The following UNC5C variants were observed in gnomAD, a reference collection of about 807,000 sequenced individuals.
UNC5C encodes unc-5 netrin receptor C.
A neutral mutation model predicts 99.8 loss-of-function variants in UNC5C; 47 were observed. That is an observed-to-expected ratio of 0.47 (90% CI 0.37 to 0.60). The LOEUF (loss-of-function observed/expected upper bound fraction) is 0.60. Among genes scored for constraint, UNC5C ranks in the 20% least tolerant of loss-of-function variants. The pLI is 0.00. For synonymous variants in UNC5C, 487 were observed against 452.2 expected (o/e 1.08, Z -0.98); for missense variants, 1,062 against 1,165.9 (o/e 0.91, Z 1.30).
chr4:95,385,650 A>G (rs1223668988), intron 1 of UNC5C, among the ~76,000 whole-genome samples: 2 of 152,182 alleles, frequency 1.3e-5, no homozygotes, highest in Non-Finnish European at 2.9e-5. Flanking sequence ...ATGTTTACTG[A>G]TGGCTATCCA....
chr4:95,413,795 C>A (rs1231432676), intron 1 of UNC5C, among the ~76,000 whole-genome samples: 3 of 152,210 alleles, frequency 2.0e-5, no homozygotes, highest in African/African-American at 7.2e-5. Flanking sequence ...TATTCTATAG[C>A]AGCTACCTGG....
chr4:95,354,479 A>ATATATATATATATATATATTT, intron 1 of UNC5C, among the ~76,000 whole-genome samples: 2,533 of 109,720 alleles, frequency 0.023, 59 homozygotes, highest in Non-Finnish European at 0.035. Context: ...ATATATATAT[A>ATATATATATATATATATATTT]TTTTTTTTTT....
At chr4:95,246,075 T>C (rs1005584093) in intron 5 of UNC5C, among the ~76,000 whole-genome samples, 5 of 152,284 alleles carry the variant, frequency 3.3e-5, no homozygotes, top group African/African-American at 1.2e-4. Context: ...ACCTATACAA[T>C]AGGGAATAAT....
At chr4:95,213,771 CAG>C (rs1478490440) in intron 10 of UNC5C, among the ~76,000 whole-genome samples, 1 of 152,200 alleles carries the variant, frequency 6.6e-6, no homozygotes, top group African/African-American at 2.4e-5. Flanking sequence ...GATGTCCTCA[CAG>C]AGTCTTCTTC....
In UNC5C at chr4:95,168,707, CTT is replaced by C. The variant is rs1735957043; in HGVS notation, c.*525_*526del. On this transcript the variant is annotated 3_prime_UTR_variant, in exon 16 of 16. Coordinates refer to ENST00000453304, the MANE Select transcript of UNC5C (RefSeq NM_003728.4). ...ACTGATGGGAGGATTATCTGAGACA[CTT>C]GATGCACACGATTTGTAGCAAAAGT... is the stretch of plus-strand genomic sequence containing the variant. 6.5e-6 allele frequency: 1 copy of C among 153,258 alleles called. No individual in the cohort carries two copies. The highest frequency in any genetic ancestry group is 2.4e-5 in the African/African-American group (1 of 41,450). The allele number at this position is 153,258 out of a possible 1,614,324, so 9.5% of individuals were successfully genotyped here. A position where few individuals can be genotyped will look rare whatever the true frequency, so the allele number is the denominator to read the frequency against.
chr4:95,331,750 T>C (rs988613536), intron 2 of UNC5C, among the ~76,000 whole-genome samples: 3 of 152,044 alleles, frequency 2.0e-5, no homozygotes, highest in African/African-American at 7.3e-5. Flanking sequence ...TTATAAAAAA[T>C]AAAGATTTCA....
chr4:95,328,911 C>T (rs997094544), intron 2 of UNC5C, among the ~76,000 whole-genome samples: 1 of 152,106 alleles, frequency 6.6e-6, no homozygotes, highest in African/African-American at 2.4e-5. Flanking sequence ...AGGCACTCGC[C>T]CCAGCTCCTG....
At chr4:95,379,381 A>C (rs1016575291) in intron 1 of UNC5C, among the ~76,000 whole-genome samples, 1 of 152,326 alleles carries the variant, frequency 6.6e-6, no homozygotes, top group South Asian at 2.1e-4. Context: ...CACTCTATCT[A>C]TAAACTTGCT....
intron 1 of UNC5C, among the ~76,000 whole-genome samples, chr4:95,510,648 G>T (rs1722046137): frequency 6.6e-6 from 1 of 152,040 alleles, no homozygotes; most frequent in African/African-American, 2.4e-5. Context: ...CTTAAGGGTA[G>T]TGTGCTGTAG....
At chr4:95,515,930 G>T (rs1210514700) in intron 1 of UNC5C, among the ~76,000 whole-genome samples, 1 of 152,150 alleles carries the variant, frequency 6.6e-6, no homozygotes, top group South Asian at 2.1e-4. Context: ...CCCTAATGAT[G>T]TGGTATTTTG....
At chr4:95,543,789 A>G (rs1238139068) in intron 1 of UNC5C, among the ~76,000 whole-genome samples, 1 of 152,190 alleles carries the variant, frequency 6.6e-6, no homozygotes, top group Non-Finnish European at 1.5e-5. Flanking sequence ...GGAGTGACTT[A>G]ACGTGTCATT....
intron 1 of UNC5C, among the ~76,000 whole-genome samples, chr4:95,460,880 A>G (rs1373863834): frequency 6.6e-6 from 1 of 152,178 alleles, no homozygotes; most frequent in Non-Finnish European, 1.5e-5. Context: ...CAGAGTTTGT[A>G]TATCAGGAGG....
chr4:95,494,139 TA>T (rs1560483931), intron 1 of UNC5C, among the ~76,000 whole-genome samples: 1 of 151,104 alleles, frequency 6.6e-6, no homozygotes, highest in East Asian at 1.9e-4. Flanking sequence ...GATCAATGAG[TA>T]AAAAAGGAAA....
intron 14 of UNC5C, among the ~76,000 whole-genome samples, chr4:95,174,123 C>T (rs1736236972): frequency 6.6e-6 from 1 of 151,672 alleles, no homozygotes; most frequent in South Asian, 2.1e-4. Context: ...CTATTTGATT[C>T]TTCTCTCTTT....
At chr4:95,421,115 ATCCCCTC>A (rs1299942335) in intron 1 of UNC5C, among the ~76,000 whole-genome samples, 1 of 152,216 alleles carries the variant, frequency 6.6e-6, no homozygotes, top group East Asian at 1.9e-4. Context: ...TCAACCTAAA[ATCCCCTC>A]TCCAGTCATT....
chr4:95,413,148 A>G (rs760220379), intron 1 of UNC5C, among the ~76,000 whole-genome samples: 1 of 152,132 alleles, frequency 6.6e-6, no homozygotes, highest in Non-Finnish European at 1.5e-5. Context: ...CCCTTGCCAC[A>G]TTCCAACCTC....
At chr4:95,465,329 G>A (rs1240627540) in intron 1 of UNC5C, among the ~76,000 whole-genome samples, 1 of 152,136 alleles carries the variant, frequency 6.6e-6, no homozygotes, top group Admixed American at 6.6e-5. Flanking sequence ...CAAAAGAAGT[G>A]CAATCATCAA....
chr4:95,382,451 C>T (rs1246422211), intron 1 of UNC5C, among the ~76,000 whole-genome samples: 5 of 123,718 alleles, frequency 4.0e-5, no homozygotes, highest in Non-Finnish European at 8.4e-5. Context: ...AGAGTGAGAC[C>T]GTCTGTCAAA....
intron 1 of UNC5C, among the ~76,000 whole-genome samples, chr4:95,511,454 G>A (rs1386488330): frequency 6.6e-6 from 1 of 152,092 alleles, no homozygotes; most frequent in East Asian, 1.9e-4. Context: ...CATGCCATTA[G>A]TATTAAAAGT....
Sources: gnomAD v4.1 joint callset for allele counts (sites outside exome capture counted in the v4.1 genomes callset) on GRCh38, gnomAD v4.1.1 for gene constraint, MANE v1.5 for transcripts, NCBI Gene and HGNC (gene_info 2026-07-23, HGNC 2026-07-21) for gene names.